Variants in INTS6 observed in about 807,000 individuals in gnomAD.
The protein encoded by INTS6 is DEAD box protein.
In INTS6, 16 loss-of-function variants were observed where a neutral mutation model predicts 104.9. The ratio of observed to expected loss-of-function variants is 0.15; its 90% CI spans 0.10 to 0.23. INTS6 has a LOEUF of 0.23. Among genes scored for constraint, INTS6 ranks in the 10% least tolerant of loss-of-function variants. The pLI, the probability that INTS6 is intolerant of heterozygous loss-of-function variation, is 1.00. For synonymous variants in INTS6, 324 were observed against 358.7 expected (o/e 0.90, Z 1.09); for missense variants, 584 against 1,062.8 (o/e 0.55, Z 6.26).
intron 2 of INTS6, among the ~76,000 whole-genome samples, 161 bp downstream of exon 2, chr13:51,451,817 G>T (rs1057111005): frequency 6.6e-6 from 1 of 150,452 alleles, no homozygotes; most frequent in Non-Finnish European, 1.5e-5. Flanking sequence ...GCTGCCGAGC[G>T]GGGGAGGGGG....
rs755950809 is a variant in INTS6 at position 51,376,005 on chromosome 13, AG to A, written c.1729+42del. On this transcript the variant is annotated intron_variant, in intron 13 of 17. Coordinates refer to ENST00000311234, the MANE Select transcript of INTS6 (RefSeq NM_012141.3). ...CATGCTATGCTTTTTCAGACTATAAAGAAAAAAAATTAAAAATACCAGTATT... is the reference window on the plus strand; with the variant it reads ...CATGCTATGCTTTTTCAGACTATAAAAAAAAAAATTAAAAATACCAGTATT... 4 of 1,534,586 alleles carry A rather than the reference AG, an allele frequency of 2.6e-6. No homozygotes were observed. The East Asian group carries it at 9.2e-5, about 35-fold the overall frequency.
At chr13:51,375,932 C>A (rs1955921384) in intron 13 of INTS6, 116 bp downstream of exon 13, 7 of 775,702 alleles carry the variant, frequency 9.0e-6, no homozygotes, top group African/African-American at 1.8e-5. Flanking sequence ...TTTGAACTTA[C>A]AATAAGAATG....
intron 5 of INTS6, among the ~76,000 whole-genome samples, chr13:51,389,741 C>T (rs969240546): frequency 1.3e-5 from 2 of 152,042 alleles, no homozygotes; most frequent in African/African-American, 4.8e-5. Context: ...AAACAAGTCA[C>T]ATATTTTATG....
intron 5 of INTS6, among the ~76,000 whole-genome samples, 200 bp downstream of exon 5, chr13:51,395,100 T>C (rs1258370615): frequency 6.6e-6 from 1 of 152,238 alleles, no homozygotes; most frequent in Non-Finnish European, 1.5e-5. Context: ...TTCCTTGTCA[T>C]GTCCAATAGT....
At chr13:51,441,657 T>C (rs985890471) in intron 3 of INTS6, 7 of 152,224 alleles carry the variant, frequency 4.6e-5, no homozygotes, top group African/African-American at 1.7e-4. Context: ...ACAAGGTTAA[T>C]AGCTCTATAT....
At chr13:51,417,614 C>G (rs1956814654) in intron 4 of INTS6, among the ~76,000 whole-genome samples, 1 of 151,848 alleles carries the variant, frequency 6.6e-6, no homozygotes, top group Non-Finnish European at 1.5e-5. Flanking sequence ...GCCACCACAC[C>G]CGGCTAATTT....
intron 4 of INTS6, among the ~76,000 whole-genome samples, chr13:51,410,413 C>T (rs181265738): frequency 8.1e-4 from 124 of 152,246 alleles, no homozygotes; most frequent in African/African-American, 2.9e-3. Context: ...CAGAAACAGC[C>T]ACACAAAAAC....
chr13:51,432,069 C>T (rs1212402985), intron 3 of INTS6, among the ~76,000 whole-genome samples: 1 of 152,088 alleles, frequency 6.6e-6, no homozygotes, highest in Non-Finnish European at 1.5e-5. Context: ...CCTCTTCCCT[C>T]CTCAAACCTA....
chr13:51,389,277 T>A (rs546352760), intron 6 of INTS6, 42 bp downstream of exon 6: 5 of 1,596,996 alleles, frequency 3.1e-6, no homozygotes, highest in Non-Finnish European at 4.3e-6. Flanking sequence ...GAATAAACAA[T>A]AAAGCAAGTT....
chr13:51,362,621 A>G lies in INTS6; in HGVS notation c.*3131T>C, dbSNP rs1165601160. ...TCTAAACAGTGTATTAAAAAGAAAT[A>G]GGATAGAACAAGACTAATAAAATCA... On this transcript the variant is annotated 3_prime_UTR_variant, in exon 18 of 18. Coordinates refer to ENST00000311234, the MANE Select transcript of INTS6 (RefSeq NM_012141.3). The G allele has an allele frequency of 6.6e-6, 1 of 152,460 alleles. No individual in the cohort carries two copies. The highest frequency in any genetic ancestry group is 1.5e-5 in the Non-Finnish European group (1 of 67,942). 9.4% of individuals were successfully genotyped at this position (152,460 alleles called of 1,614,324 possible).
chr13:51,450,851 G>A, intron 3 of INTS6, 174 bp downstream of exon 3: 1 of 1,226,556 alleles, frequency 8.2e-7, no homozygotes, highest in Non-Finnish European at 1.0e-6. Context: ...GAAAAAATGA[G>A]GGATGTAAAA....
At chr13:51,393,648 G>T (rs1472289307) in intron 5 of INTS6, among the ~76,000 whole-genome samples, 1 of 152,318 alleles carries the variant, frequency 6.6e-6, no homozygotes, top group South Asian at 2.1e-4. Flanking sequence ...GATTCAGAAT[G>T]TATATTTAGG....
intron 4 of INTS6, among the ~76,000 whole-genome samples, chr13:51,403,273 T>C (rs1406626330): frequency 2.0e-5 from 3 of 152,166 alleles, no homozygotes; most frequent in South Asian, 2.1e-4. Flanking sequence ...GAGTCAGGAC[T>C]GATCTGTACC....
chr13:51,382,819 G>A (rs1956077321), intron 9 of INTS6, among the ~76,000 whole-genome samples: 1 of 152,206 alleles, frequency 6.6e-6, no homozygotes, highest in African/African-American at 2.4e-5. Flanking sequence ...GCCCATGCCT[G>A]TAATCCCAGC....
chr13:51,360,900 A>T (rs1001849248), downstream of INTS6, among the ~76,000 whole-genome samples: 2 of 152,016 alleles, frequency 1.3e-5, no homozygotes, highest in East Asian at 1.9e-4. Context: ...TTTAACACAT[A>T]CCCTATGATC....
chr13:51,382,729 T>G (rs1425414098), intron 9 of INTS6, among the ~76,000 whole-genome samples: 4 of 152,198 alleles, frequency 2.6e-5, no homozygotes, highest in Non-Finnish European at 5.9e-5. Context: ...CAATTCTAAC[T>G]GTTAGAAATC....
chr13:51,395,215 A>T, intron 5 of INTS6, 85 bp downstream of exon 5: 1 of 1,314,308 alleles, frequency 7.6e-7, no homozygotes, highest in Non-Finnish European at 1.0e-6. Context: ...ATAAAAACAA[A>T]CATGGAGCTT....
intron 4 of INTS6, among the ~76,000 whole-genome samples, chr13:51,413,391 T>C (rs1956725574): frequency 6.6e-6 from 1 of 152,022 alleles, no homozygotes; most frequent in Non-Finnish European, 1.5e-5. Context: ...GAATTAGGGG[T>C]CTCTCCTTTT....
chr13:51,417,599 C>T (rs946533300), intron 4 of INTS6, among the ~76,000 whole-genome samples: 4 of 151,766 alleles, frequency 2.6e-5, no homozygotes, highest in Admixed American at 2.0e-4. Context: ...GGATTACAAG[C>T]GCATGCCACC....
Sources: gnomAD v4.1 joint callset for allele counts (sites outside exome capture counted in the v4.1 genomes callset) on GRCh38, gnomAD v4.1.1 for gene constraint, MANE v1.5 for transcripts, NCBI Gene and HGNC (gene_info 2026-07-23, HGNC 2026-07-21) for gene names.